The following INO80 variants were observed in gnomAD, a reference collection of about 807,000 sequenced individuals.
The protein encoded by INO80 is chromatin-remodeling ATPase INO80.
INO80 carries 20 observed loss-of-function variants against 203.4 expected under a neutral mutation model. That is an observed-to-expected ratio of 0.10 (90% CI 0.07 to 0.14). INO80 has a LOEUF of 0.14. Ranked by LOEUF, INO80 falls within the 10% of genes least tolerant of loss-of-function variation. The pLI is 1.00. For missense variants in INO80, 1,419 were observed against 1,914.4 expected (o/e 0.74, Z 4.83); for synonymous variants, 726 against 685.2 (o/e 1.06, Z -0.93).
At chr15:41,095,301 A>T (rs539280586) in intron 4 of INO80, among the ~76,000 whole-genome samples, 1 of 152,348 alleles carries the variant, frequency 6.6e-6, no homozygotes, top group South Asian at 2.1e-4. Flanking sequence ...AGATCATGCC[A>T]TTGCACTCCA....
chr15:41,046,976 TGCCTCAATTGATCCAGGCTG>T (rs2044779047), intron 23 of INO80, among the ~76,000 whole-genome samples: 1 of 151,774 alleles, frequency 6.6e-6, no homozygotes, highest in Admixed American at 6.6e-5. Context: ...TTGAACTTGT[TGCCTCAATTGATCCAGGCTG>T]GCCTCAACTG....
chr15:41,066,565 G>A lies in INO80; in HGVS notation c.1782+3005C>T, dbSNP rs796836362. On this transcript the variant is annotated intron_variant, in intron 14 of 35. Transcript: ENST00000648947. ...AAAATCAAGCCAACTGCAGTGGCTC[G>A]TGCCTATAATCCCAGCACTTTAAGA... 5.4e-4 allele frequency among the ~76,000 whole-genome samples: 82 copies of A among 151,754 alleles called. 2 individuals are homozygous for A. Among genetic ancestry groups the A allele is most frequent in the African/African-American group, 1.9e-3 (79 of 41,416 alleles).
intron 16 of INO80, 76 bp downstream of exon 16, chr15:41,058,563 G>T (rs1404469288): frequency 5.7e-6 from 6 of 1,054,736 alleles, no homozygotes; most frequent in Non-Finnish European, 8.2e-6. Context: ...GTGTGTGTGT[G>T]TGTGTGCGTG....
chr15:41,072,146 C>T (rs537713549), intron 11 of INO80, 88 bp from the exon 12 acceptor site: 1 of 826,958 alleles, frequency 1.2e-6, no homozygotes, highest in South Asian at 2.0e-5. Context: ...AATATATCTA[C>T]CCTGTGCTAA....
intron 4 of INO80, among the ~76,000 whole-genome samples, chr15:41,093,342 T>C (rs997974476): frequency 1.3e-5 from 2 of 152,052 alleles, no homozygotes; most frequent in Non-Finnish European, 2.9e-5. Flanking sequence ...GGAGAATCGC[T>C]TGAACCCAGG....
At chr15:41,042,802 A>G (rs560397458) in intron 24 of INO80, among the ~76,000 whole-genome samples, 1 of 152,186 alleles carries the variant, frequency 6.6e-6, no homozygotes, top group Non-Finnish European at 1.5e-5. Flanking sequence ...TATGAGAACC[A>G]TAAGCTCTAG....
chr15:40,993,436 A>AT (rs1420188146), intron 29 of INO80, among the ~76,000 whole-genome samples: 2 of 152,296 alleles, frequency 1.3e-5, no homozygotes, highest in East Asian at 3.9e-4. Context: ...AGCCTCTTAA[A>AT]TATCATCTAC....
chr15:40,979,719 CTG>C lies in INO80; in HGVS notation c.*502_*503del, dbSNP rs1893743860. Reference sequence around the variant, plus strand: ...CACTGCTCTCTCCAATGATGACACTCTGGGGTTCAGAGACCTGGGGAGCTGCC... The same window carrying C: ...CACTGCTCTCTCCAATGATGACACTCGGGTTCAGAGACCTGGGGAGCTGCC... On this transcript the variant is annotated 3_prime_UTR_variant, in exon 36 of 36. Coordinates refer to ENST00000648947, the MANE Select transcript of INO80 (RefSeq NM_017553.3). The C allele has an allele frequency of 1.2e-5, 2 of 170,378 alleles. No individual in the cohort carries two copies. Among genetic ancestry groups the C allele is most frequent in the African/African-American group, 4.8e-5 (2 of 41,924 alleles). 10.6% of individuals were successfully genotyped at this position (170,378 alleles called of 1,614,324 possible).
In INO80 at chr15:40,979,701, C is replaced by T. The variant is rs1053853704; in HGVS notation, c.*522G>A. 1 of 165,058 alleles carries T rather than the reference C, an allele frequency of 6.1e-6. No individual in the cohort carries two copies. The highest frequency in any genetic ancestry group is 1.3e-5 in the Non-Finnish European group (1 of 75,064). The allele number at this position is 165,058 out of a possible 1,614,324, so 10.2% of individuals were successfully genotyped here. On this transcript the variant is annotated 3_prime_UTR_variant, in exon 36 of 36. Coordinates refer to ENST00000648947, the MANE Select transcript of INO80 (RefSeq NM_017553.3). ...TCCACCATCTCTCGCAGTCACTGCT[C>T]TCTCCAATGATGACACTCTGGGGTT...
At position 40,984,380 on chromosome 15, in the gene INO80, A is replaced by G. The variant is rs374406540; in HGVS notation, c.3922-28T>C. The G allele has an allele frequency of 4.2e-5, 67 of 1,604,298 alleles. No individual in the cohort carries two copies. The African/African-American group carries it at 7.4e-4, about 18-fold the overall frequency. On this transcript the variant is annotated intron_variant, in intron 32 of 35. Transcript: ENST00000648947. ...GGGAACACACGGATAAATATGGAAA[A>G]CGTGTGAGGATGCACCCCAAAAGAA...
At chr15:41,097,742 A>C (rs957504380) in intron 1 of INO80, among the ~76,000 whole-genome samples, 12 of 152,078 alleles carry the variant, frequency 7.9e-5, no homozygotes, top group East Asian at 5.8e-4. Context: ...CCAAAGTGCT[A>C]CGATTACAGG....
In INO80 at chr15:41,023,880, TTTTATTTA is replaced by T. The variant is rs200709362; in HGVS notation, c.3049-2763_3049-2756del. 9.1e-3 allele frequency among the ~76,000 whole-genome samples: 1,386 copies of T among 151,522 alleles called. 17 individuals are homozygous for T. The highest frequency in any genetic ancestry group is 0.032 in the African/African-American group (1,326 of 41,370). ...CAGATAACCGTTTTGATTTAAAAATTTTTATTTATTTATTTATTTTGTAAAAAAGCAGA... is the reference window on the plus strand; with the variant it reads ...CAGATAACCGTTTTGATTTAAAAATTTTTATTTATTTTGTAAAAAAGCAGA... On this transcript the variant is annotated intron_variant, in intron 25 of 35. Transcript: ENST00000648947.
chr15:40,979,261 C>T lies in INO80; in HGVS notation c.*962G>A, dbSNP rs1170926889. On this transcript the variant is annotated 3_prime_UTR_variant, in exon 36 of 36. Transcript: ENST00000648947. ...AGAAACACCTCCCATGCAAACACTG[C>T]CCCTCTGTCTCTACTGGAGGGCAGC... The T allele has an allele frequency of 6.5e-6, 1 of 152,672 alleles. No individual in the cohort carries two copies. The highest frequency in any genetic ancestry group is 1.5e-5 in the Non-Finnish European group (1 of 68,058). The allele number at this position is 152,672 out of a possible 1,614,324, so 9.5% of individuals were successfully genotyped here.
chr15:41,081,126 C>A, intron 7 of INO80, 53 bp from the exon 8 acceptor site: 1 of 1,158,262 alleles, frequency 8.6e-7, no homozygotes, highest in Non-Finnish European at 1.3e-6. Flanking sequence ...TGAACTAAGA[C>A]TATGTAGAAT....
intron 29 of INO80, among the ~76,000 whole-genome samples, chr15:40,993,486 G>A (rs2043841082): frequency 6.6e-6 from 1 of 152,106 alleles, no homozygotes; most frequent in African/African-American, 2.4e-5. Flanking sequence ...GGCCAGGAGT[G>A]GTGGCTCACG....
intron 1 of INO80, among the ~76,000 whole-genome samples, chr15:41,099,621 A>C (rs1463781078): frequency 1.3e-5 from 2 of 152,026 alleles, no homozygotes; most frequent in African/African-American, 4.8e-5. Flanking sequence ...TCTCTACAAA[A>C]AAATTTAAAA....
In INO80 at chr15:41,048,233, G is replaced by A. The variant is rs575876448; in HGVS notation, c.2620C>T (p.Arg874Trp). ...CTACCTTTTCTGTGAAAGAGAGACCGTTGGATATAGTCTGGTGCAAATGGA... is the reference window on the plus strand; with the variant it reads ...CTACCTTTTCTGTGAAAGAGAGACCATTGGATATAGTCTGGTGCAAATGGA... ...LSPFAPDYIQ[R>W]SLFHRKGINE... The change falls in exon 22 of 36, where the codon CGG becomes TGG. Residue 874 changes from arginine to tryptophan, a missense_variant. This residue lies in a region of INO80 where 302 missense variants were observed against 345.4 expected (regional missense o/e 0.87). Transcript: ENST00000648947. The A allele has an allele frequency of 4.3e-6, 7 of 1,612,950 alleles. No homozygotes were observed. The highest frequency in any genetic ancestry group is 2.7e-5 in the African/African-American group (2 of 74,864).
intron 21 of INO80, among the ~76,000 whole-genome samples, chr15:41,049,015 T>C (rs1159539532): frequency 6.6e-6 from 1 of 152,230 alleles, no homozygotes; most frequent in African/African-American, 2.4e-5. Flanking sequence ...GGCATAGATA[T>C]GCATACTTGC....
rs56084929 is a variant in INO80, at chr15:41,039,687, G to A, written c.2907+5217C>T. Among the ~76,000 whole-genome samples the A allele has an allele frequency of 6.4e-3, 979 of 152,278 alleles. 6 individuals are homozygous for A. The highest frequency in any genetic ancestry group is 0.01 in the Middle Eastern group (3 of 294). ...CACTGGAGATTCATTCAATCGATAA[G>A]CACTTACGATATACAAATCCATGCC... On this transcript the variant is annotated intron_variant, in intron 24 of 35. Coordinates refer to ENST00000648947, the MANE Select transcript of INO80 (RefSeq NM_017553.3).
Sources: gnomAD v4.1 joint callset for allele counts (sites outside exome capture counted in the v4.1 genomes callset) on GRCh38, gnomAD v4.1.1 for gene constraint, gnomAD v4.1.1 regional missense constraint, MANE v1.5 for transcripts, NCBI Gene and HGNC (gene_info 2026-07-23, HGNC 2026-07-21) for gene names.